The following PLEKHG4B variants were observed in gnomAD, a reference collection of about 807,000 sequenced individuals.
PLEKHG4B encodes the protein pleckstrin homology domain-containing family G member 4B.
In PLEKHG4B, 111 loss-of-function variants were observed where a neutral mutation model predicts 121.3. That is an observed-to-expected ratio of 0.92 (90% confidence interval 0.78 to 1.07). The LOEUF (loss-of-function observed/expected upper bound fraction) is 1.07. Among genes scored for constraint, PLEKHG4B ranks in the 50% least tolerant of loss-of-function variants. The pLI, the probability that PLEKHG4B is intolerant of heterozygous loss-of-function variation, is 0.00. For missense variants in PLEKHG4B, 1,831 were observed against 1,757.8 expected (o/e 1.04, Z -0.74); for synonymous variants, 738 against 725.0 (o/e 1.02, Z -0.29).
At chr5:94,098 C>T (rs1733554553) in intron 1 of PLEKHG4B, among the ~76,000 whole-genome samples, 1 of 152,260 alleles carries the variant, frequency 6.6e-6, no homozygotes, top group South Asian at 2.1e-4. Context: ...GAGGCTTCAA[C>T]ACCTGCCCAG....
At chr5:98,230 A>G (rs1481472086) in intron 1 of PLEKHG4B, among the ~76,000 whole-genome samples, 1 of 151,848 alleles carries the variant, frequency 6.6e-6, no homozygotes, top group African/African-American at 2.4e-5. Context: ...TAACTTTTGT[A>G]TGTGGTGTGG....
intron 1 of PLEKHG4B, among the ~76,000 whole-genome samples, chr5:92,965 C>T (rs577865326): frequency 3.6e-4 from 55 of 152,116 alleles, no homozygotes; most frequent in African/African-American, 1.3e-3. Context: ...AAGCTGTTTT[C>T]AGGTTTTTCA....
At chr5:100,411 G>A (rs1369356560) in intron 1 of PLEKHG4B, among the ~76,000 whole-genome samples, 2 of 149,116 alleles carry the variant, frequency 1.3e-5, no homozygotes, top group Non-Finnish European at 3.0e-5. Context: ...GTAGGGGAGA[G>A]ACTGTTGTGA....
At chr5:98,992 T>C (rs1014010687) in intron 1 of PLEKHG4B, among the ~76,000 whole-genome samples, 2 of 144,432 alleles carry the variant, frequency 1.4e-5, no homozygotes, top group Non-Finnish European at 3.0e-5. Context: ...CCGTCTCTAC[T>C]AAAAATACAA....
rs946940970 is a variant in PLEKHG4B at position 185,514 on chromosome 5, G to GCCGC, written c.*3194_*3197dup. 7.9e-5 allele frequency: 12 copies of GCCGC among 152,336 alleles called. No individual in the cohort carries two copies. Among genetic ancestry groups the GCCGC allele is most frequent in the African/African-American group, 2.9e-4 (12 of 41,570 alleles). 9.4% of individuals were successfully genotyped at this position (152,336 alleles called of 1,614,324 possible). On this transcript the variant is annotated 3_prime_UTR_variant, in exon 20 of 20. Transcript: ENST00000637938. Reference sequence around the variant, plus strand: ...CAGCCACCATCACACAGCCCCAGAGGCCGCCCAGGCTCTAGCCACACTCTG... The same window carrying GCCGC: ...CAGCCACCATCACACAGCCCCAGAGGCCGCCCGCCCAGGCTCTAGCCACACTCTG...
At chr5:127,630 C>T (rs1438745528) in intron 2 of PLEKHG4B, among the ~76,000 whole-genome samples, 3 of 152,128 alleles carry the variant, frequency 2.0e-5, no homozygotes, top group East Asian at 3.9e-4. Context: ...TGGTAGGTGG[C>T]GGCCGAACAG....
Position 143,209 on chromosome 5 carries a change from T to C in PLEKHG4B, c.1640T>C (p.Leu547Pro). The change falls in exon 4 of 20, where the codon CTG becomes CCG. Residue 547 changes from leucine to proline, a missense_variant. Coordinates refer to ENST00000637938, the MANE Select transcript of PLEKHG4B (RefSeq NM_052909.5). The part of the protein sequence containing the change: ...DFPSQVPKQV[L>P]DVSQELLQSG... ...CCCAGCCAGGTGCCCAAGCAGGTGC[T>C]GGACGTCAGTCAGGAGCTGCTGCAG... 1 of 1,611,306 alleles carries C rather than the reference T, an allele frequency of 6.2e-7. No homozygotes were observed. The highest frequency in any genetic ancestry group is 8.5e-7 in the Non-Finnish European group (1 of 1,180,022).
chr5:148,947 T>A (rs960847456), intron 6 of PLEKHG4B, among the ~76,000 whole-genome samples: 1 of 152,216 alleles, frequency 6.6e-6, no homozygotes, highest in South Asian at 2.1e-4. Context: ...TTGAAAAGGG[T>A]ACCAAGACCA....
chr5:98,523 C>A (rs1733694571), intron 1 of PLEKHG4B, among the ~76,000 whole-genome samples: 1 of 143,690 alleles, frequency 7.0e-6, no homozygotes, highest in East Asian at 2.2e-4. Context: ...CAAATTCTGC[C>A]TCCCAGGTTC....
chr5:104,397 C>T (rs1733913680), intron 1 of PLEKHG4B, among the ~76,000 whole-genome samples: 1 of 152,212 alleles, frequency 6.6e-6, no homozygotes, highest in Admixed American at 6.5e-5. Flanking sequence ...AAATCCAGCT[C>T]TTAACATGCA....
chr5:170,339 G>T (rs1736501251), intron 14 of PLEKHG4B, among the ~76,000 whole-genome samples: 1 of 151,530 alleles, frequency 6.6e-6, no homozygotes, highest in Non-Finnish European at 1.5e-5. Context: ...GTCTCGCTCT[G>T]TTGCCCAGAC....
intron 1 of PLEKHG4B, among the ~76,000 whole-genome samples, chr5:96,274 T>C (rs567343618): frequency 1.4e-4 from 22 of 152,204 alleles, no homozygotes; most frequent in Non-Finnish European, 2.2e-4. Flanking sequence ...GCACAGGAAC[T>C]GCTCAATAAA....
At position 173,085 on chromosome 5, in the gene PLEKHG4B, C is replaced by G. The variant is rs6885136; in HGVS notation, c.4221+18C>G. On this transcript the variant is annotated intron_variant, in intron 17 of 19. Coordinates refer to ENST00000637938, the MANE Select transcript of PLEKHG4B (RefSeq NM_052909.5). ...CCTTCAAGGTAGCACCCGCCCGGTC[C>G]GATTGGGTGCAGGCCGAGCCAGGCC... is the stretch of plus-strand genomic sequence containing the variant. 1.3e-5 allele frequency: 21 copies of G among 1,610,674 alleles called. No individual in the cohort carries two copies. The African/African-American group carries it at 2.5e-4, about 19-fold the overall frequency.
chr5:110,279 CACAT>C (rs1734106510), intron 1 of PLEKHG4B, among the ~76,000 whole-genome samples: 1 of 150,534 alleles, frequency 6.6e-6, no homozygotes, highest in African/African-American at 2.5e-5. Context: ...ATCTGCAACA[CACAT>C]GCATACACCC....
intron 18 of PLEKHG4B, among the ~76,000 whole-genome samples, chr5:175,042 C>A (rs533480746): frequency 6.6e-6 from 1 of 152,100 alleles, no homozygotes; most frequent in Non-Finnish European, 1.5e-5. Flanking sequence ...GGATTGGCCC[C>A]GACAGCACTC....
rs1735296669 is a variant in PLEKHG4B at position 143,386 on chromosome 5, G to C, written c.1694G>C (p.Arg565Pro). The change falls in exon 5 of 20, where the codon CGA (arginine) becomes CCA (proline). Residue 565 changes from arginine to proline, a missense_variant. By Grantham distance (103) the Arg-to-Pro change is moderately radical. Coordinates refer to ENST00000637938, the MANE Select transcript of PLEKHG4B (RefSeq NM_052909.5). ...CCTGTCTCTGTCTCCGCAGGGACCC[G>C]AGACCGTCATGGCAGAGCAGTGGTG... is the stretch of plus-strand genomic sequence containing the variant. ...QSGVVTLPGT[R>P]DRHGRAVVQV... 1 of 1,612,266 alleles carries C rather than the reference G, an allele frequency of 6.2e-7. No individual in the cohort carries two copies. Among genetic ancestry groups the C allele is most frequent in the African/African-American group, 1.3e-5 (1 of 74,924 alleles).
intron 12 of PLEKHG4B, among the ~76,000 whole-genome samples, chr5:162,349 G>A (rs375663860): frequency 3.9e-5 from 6 of 152,208 alleles, no homozygotes; most frequent in African/African-American, 9.7e-5. Context: ...CAGAGGCCAC[G>A]GAGCTCACCT....
At chr5:144,176 A>G (rs1056543936) in intron 5 of PLEKHG4B, 1 of 152,534 alleles carries the variant, frequency 6.6e-6, no homozygotes, top group African/African-American at 2.4e-5. Context: ...AAATGAGATA[A>G]CTCACTACCT....
chr5:148,363 A>T lies in PLEKHG4B; in HGVS notation c.1906-3150A>T, dbSNP rs1463421566. Among the ~76,000 whole-genome samples the T allele has an allele frequency of 1.5e-4, 23 of 151,506 alleles. No individual in the cohort carries two copies. The East Asian group carries it at 3.3e-3, about 22-fold the overall frequency. On this transcript the variant is annotated intron_variant, in intron 6 of 19. Coordinates refer to ENST00000637938, the MANE Select transcript of PLEKHG4B (RefSeq NM_052909.5). The stretch of plus-strand genomic sequence containing the variant: ...GTTCCACAAAAAAAAAAAAATAAAT[A>T]AAAATAAGTTAATTCAGCAAAGTAG...
Sources: allele counts gnomAD v4.1 joint callset (sites outside exome capture counted in the v4.1 genomes callset), GRCh38; gene constraint gnomAD v4.1.1; transcripts MANE v1.5; gene names NCBI Gene and HGNC (gene_info 2026-07-23, HGNC 2026-07-21).